SLC3A2: variants seen among roughly 807,000 people sequenced by gnomAD.
SLC3A2 encodes the protein amino acid transporter heavy chain SLC3A2.
Under a neutral mutation model 48.5 loss-of-function variants are expected in SLC3A2, and 32 were observed. That is an observed-to-expected ratio of 0.66 (90% CI 0.50 to 0.89). The LOEUF is 0.89. SLC3A2 is among the 40% of genes least tolerant of loss of function. The pLI, the probability that SLC3A2 is intolerant of heterozygous loss-of-function variation, is 0.00. For synonymous variants in SLC3A2, 277 were observed against 288.8 expected (o/e 0.96, Z 0.41); for missense variants, 587 against 680.7 (o/e 0.86, Z 1.53).
chr11:62,880,896 A>G lies in SLC3A2; in HGVS notation c.-128A>G. The G allele has an allele frequency of 2.1e-6, 3 of 1,438,848 alleles. No individual in the cohort carries two copies. The highest frequency in any genetic ancestry group is 1.5e-5 in the South Asian group (1 of 66,874). The allele number at this position is 1,438,848 out of a possible 1,614,324, so 89.1% of individuals were successfully genotyped here. On this transcript the variant is annotated 5_prime_UTR_variant, in exon 1 of 9. Transcript: ENST00000338663. ...CCAGAGGCCGCGCCTGCTGCTGAGC[A>G]GATGCAGTAGCCGAAACTGCGCGGA...
At chr11:62,887,033 C>T (rs1049741689) in intron 7 of SLC3A2, among the ~76,000 whole-genome samples, 3 of 152,138 alleles carry the variant, frequency 2.0e-5, no homozygotes, top group African/African-American at 4.8e-5. Context: ...CCACTGCACC[C>T]GGCCATCAGC....
intron 1 of SLC3A2, among the ~76,000 whole-genome samples, chr11:62,864,440 C>T (rs943938183): frequency 2.6e-5 from 4 of 152,074 alleles, no homozygotes; most frequent in Non-Finnish European, 5.9e-5. Flanking sequence ...AGGCGCGCAC[C>T]AGCACGCCTG....
Position 62,888,813 on chromosome 11 carries a change from A to G in SLC3A2, c.*120A>G. On this transcript the variant is annotated 3_prime_UTR_variant, in exon 9 of 9. Coordinates refer to ENST00000338663, the MANE Select transcript of SLC3A2 (RefSeq NM_001013251.3). Reference sequence around the variant, plus strand: ...GTTGCAGATTATGAGTGAACCCCCAAATAGGGTGTTTTCTGCCTTCAAATA... The same window carrying G: ...GTTGCAGATTATGAGTGAACCCCCAGATAGGGTGTTTTCTGCCTTCAAATA... 2 of 963,776 alleles carry G rather than the reference A, an allele frequency of 2.1e-6. No homozygotes were observed. The highest frequency in any genetic ancestry group is 3.0e-6 in the Non-Finnish European group (2 of 663,040). 59.7% of individuals were successfully genotyped at this position (963,776 alleles called of 1,614,324 possible). A position where few individuals can be genotyped will look rare whatever the true frequency, so the allele number is the denominator to read the frequency against.
In SLC3A2 at chr11:62,881,179, G is replaced by T. The variant is rs764192441; in HGVS notation, c.156G>T (p.Ala52=). The T allele has an allele frequency of 6.3e-7, 1 of 1,593,426 alleles. No homozygotes were observed. Among genetic ancestry groups the T allele is most frequent in the Non-Finnish European group, 8.5e-7 (1 of 1,172,428 alleles). The change falls in exon 1 of 9, where the codon GCG becomes GCT. Residue 52 remains alanine, a synonymous_variant. Coordinates refer to ENST00000338663, the MANE Select transcript of SLC3A2 (RefSeq NM_001013251.3). This position sits in a 1 kb window ranked among gnomAD's most constrained non-coding sequence, Gnocchi z 4.0. ...LVKIKVAEDE[A]EAAAAAKFTG... ...AGATCAAGGTGGCGGAAGACGAGGC[G>T]GAGGCGGCAGCCGCGGCTAAGTTCA...
At chr11:62,864,461 TTTTTTA>T (rs929360814) in intron 1 of SLC3A2, among the ~76,000 whole-genome samples, 5 of 152,068 alleles carry the variant, frequency 3.3e-5, no homozygotes, top group African/African-American at 4.8e-5. Context: ...GCTAATTATT[TTTTTTA>T]TTTTTATTTT....
chr11:62,882,555 G>C (rs962079611), intron 2 of SLC3A2: 1 of 288,622 alleles, frequency 3.5e-6, no homozygotes, highest in African/African-American at 2.2e-5. Flanking sequence ...AACGATCTCA[G>C]CTTACTGCAG....
chr11:62,882,649 T>C (rs2085657829), intron 2 of SLC3A2: 1 of 410,006 alleles, frequency 2.4e-6, no homozygotes, highest in Admixed American at 3.6e-5. Flanking sequence ...CACACCCAGA[T>C]AATTTTTTTA....
chr11:62,862,628 A>G (rs2085413352), intron 1 of SLC3A2, among the ~76,000 whole-genome samples: 1 of 152,118 alleles, frequency 6.6e-6, no homozygotes, highest in Non-Finnish European at 1.5e-5. Flanking sequence ...AGCAGAATAC[A>G]ATTCACAAAT....
intron 1 of SLC3A2, among the ~76,000 whole-genome samples, chr11:62,871,265 G>A (rs1417123628): frequency 6.9e-6 from 1 of 144,082 alleles, no homozygotes; most frequent in African/African-American, 2.6e-5. Flanking sequence ...TTGGTGTGAA[G>A]TCTTGCTCTG....
chr11:62,862,471 A>G (rs2085411089), intron 1 of SLC3A2, among the ~76,000 whole-genome samples: 2 of 151,990 alleles, frequency 1.3e-5, no homozygotes, highest in East Asian at 1.9e-4. Flanking sequence ...GCAACATAGT[A>G]AGATGAAACC....
In SLC3A2 at chr11:62,881,380, C is replaced by A. The variant is rs1248900116; in HGVS notation, c.357C>A (p.His119Gln). Residue 119 changes from histidine to glutamine, a missense_variant, in exon 1 of 9, where the codon CAC becomes CAA. Physicochemically the swap from His to Gln is conservative, Grantham distance 24. This residue lies in a region of SLC3A2 where 409 missense variants were observed against 446.7 expected (regional missense o/e 0.92). Coordinates refer to ENST00000338663, the MANE Select transcript of SLC3A2 (RefSeq NM_001013251.3). The surrounding 1 kb of genome is among the most constrained non-coding windows in gnomAD (Gnocchi z 4.0). Reference sequence around the variant, plus strand: ...AGCTACCGGCGCAGAAGTGGTGGCACACGGGCGCCCTCTACCGCATCGGCG... The same window carrying A: ...AGCTACCGGCGCAGAAGTGGTGGCAAACGGGCGCCCTCTACCGCATCGGCG... ...CRELPAQKWW[H>Q]TGALYRIGDL... 6.3e-7 allele frequency: 1 copy of A among 1,597,020 alleles called. No homozygotes were observed. Among genetic ancestry groups the A allele is most frequent in the Non-Finnish European group, 8.5e-7 (1 of 1,177,548 alleles).
chr11:62,874,673 G>A (rs1273068917), intron 1 of SLC3A2, among the ~76,000 whole-genome samples: 1 of 152,166 alleles, frequency 6.6e-6, no homozygotes, highest in African/African-American at 2.4e-5. Flanking sequence ...TAGCTGCGAA[G>A]TGAACTGCTT....
chr11:62,887,630 G>T (rs936008399), intron 7 of SLC3A2, among the ~76,000 whole-genome samples: 12 of 151,384 alleles, frequency 7.9e-5, no homozygotes, highest in Non-Finnish European at 1.2e-4. Context: ...TTGAACCCAG[G>T]AGGCAGAGAT....
At chr11:62,873,488 CAA>C (rs776857451) in intron 1 of SLC3A2, among the ~76,000 whole-genome samples, 4 of 128,626 alleles carry the variant, frequency 3.1e-5, no homozygotes, top group Non-Finnish European at 1.7e-5. Flanking sequence ...AACTCTGTCT[CAA>C]AAAAAAAAAA....
Position 62,882,979 on chromosome 11 carries a change from A to T in SLC3A2, c.670A>T (p.Thr224Ser). 1 of 1,614,154 alleles carries T rather than the reference A, an allele frequency of 6.2e-7. No homozygotes were observed. ...ENSWFSTQVD[T>S]VATKVKDALE... ...CTCGTGGTTCTCCACTCAGGTTGAC[A>T]CTGTGGCCACCAAGGTGAAGGTGAG... Residue 224 changes from threonine to serine, a missense_variant, in exon 3 of 9, where the codon ACT becomes TCT. Physicochemically the swap from Thr to Ser is moderately conservative, Grantham distance 58. Transcript: ENST00000338663.
At chr11:62,873,852 G>GGT (rs2085543087) in intron 1 of SLC3A2, among the ~76,000 whole-genome samples, 2 of 148,086 alleles carry the variant, frequency 1.4e-5, no homozygotes, top group African/African-American at 2.4e-5. Context: ...GCCCAGGCTA[G>GGT]AGTGCAGTGG....
chr11:62,885,438 G>T (rs768554379), intron 6 of SLC3A2, 27 bp from the exon 7 acceptor site: 2 of 1,614,130 alleles, frequency 1.2e-6, no homozygotes, highest in African/African-American at 1.3e-5. Context: ...TGGGTTATGG[G>T]GCTCACTGGA....
chr11:62,883,218 CTG>C (rs201498900), intron 3 of SLC3A2: 337 of 456,556 alleles, frequency 7.4e-4, no homozygotes, highest in African/African-American at 6.2e-3. Context: ...TTCCTTGACT[CTG>C]AGGATGAGAC....
In SLC3A2 at chr11:62,882,942, C is replaced by T; in HGVS notation, c.633C>T (p.Tyr211=). The T allele has an allele frequency of 6.2e-7, 1 of 1,614,242 alleles. No homozygotes were observed. Among genetic ancestry groups the T allele is most frequent in the South Asian group, 1.1e-5 (1 of 91,090 alleles). Residue 211 remains tyrosine (Y), a synonymous_variant, in exon 3 of 9, where the codon TAC becomes TAT. Transcript: ENST00000338663. ...IRVILDLTPN[Y]RGENSWFSTQ... The stretch of plus-strand genomic sequence containing the variant: ...TCATTCTGGACCTTACTCCCAACTA[C>T]CGGGGTGAGAACTCGTGGTTCTCCA...
Sources: allele counts gnomAD v4.1 joint callset (sites outside exome capture counted in the v4.1 genomes callset), GRCh38; gene constraint gnomAD v4.1.1; regional missense constraint gnomAD v4.1.1; non-coding constraint Gnocchi (gnomAD v3.1); transcripts MANE v1.5; gene names NCBI Gene and HGNC (gene_info 2026-07-23, HGNC 2026-07-21).